CFAP47: variants seen among roughly 807,000 people sequenced by gnomAD.
CFAP47 encodes the protein cilia- and flagella-associated protein 47.
CFAP47 carries 29 observed loss-of-function variants against 148.1 expected under a neutral mutation model. The observed-to-expected ratio is 0.20, with a 90% CI of 0.15 to 0.27. CFAP47 has a LOEUF of 0.27. CFAP47 is among the 10% of genes least tolerant of loss of function. CFAP47 has a pLI of 1.00. For missense variants in CFAP47, 1,872 were observed against 1,697.5 expected (o/e 1.10, Z -1.81); for synonymous variants, 664 against 577.3 (o/e 1.15, Z -2.15).
chrX:36,155,106 T>C (rs1939352101), intron 37 of CFAP47, among the ~76,000 whole-genome samples: 1 of 111,067 alleles, frequency 9.0e-6, no homozygotes, highest in African/African-American at 3.3e-5. Flanking sequence ...TTTATATATA[T>C]ATAAATTGCT....
chrX:35,970,377 C>T (rs138751229), intron 10 of CFAP47, among the ~76,000 whole-genome samples: 2,486 of 110,396 alleles, frequency 0.023, 80 homozygotes, highest in African/African-American at 0.078. Context: ...TTTTTTCTGA[C>T]TTTGATCATG....
intron 42 of CFAP47, 32 bp from the exon 43 acceptor site, chrX:36,200,347 G>C (rs1555987879): frequency 3.4e-6 from 1 of 293,796 alleles, no homozygotes; most frequent in Non-Finnish European, 5.9e-6. Flanking sequence ...GAGAGATTTT[G>C]AAATTTAATA....
At chrX:35,963,175 G>A (rs973558321) in intron 8 of CFAP47, among the ~76,000 whole-genome samples, 5 of 110,279 alleles carry the variant, frequency 4.5e-5, no homozygotes, top group Admixed American at 2.0e-4. Flanking sequence ...GCAGTGGATG[G>A]CGAATAAGGA....
chrX:36,266,452 G>A (rs1940893624), intron 49 of CFAP47, among the ~76,000 whole-genome samples: 1 of 111,262 alleles, frequency 9.0e-6, no homozygotes, highest in African/African-American at 3.3e-5. Flanking sequence ...TCTGGCAGGG[G>A]CACTGTGGGT....
intron 33 of CFAP47, among the ~76,000 whole-genome samples, chrX:36,121,701 TTTA>T (rs1938747482): frequency 9.0e-6 from 1 of 111,389 alleles, no homozygotes; most frequent in East Asian, 2.8e-4. Flanking sequence ...TTCTGAACTT[TTTA>T]TTGTTTCTTT....
At chrX:36,287,255 T>G (rs1232388477) in intron 51 of CFAP47, among the ~76,000 whole-genome samples, 1 of 111,700 alleles carries the variant, frequency 9.0e-6, no homozygotes, top group Non-Finnish European at 1.9e-5. Flanking sequence ...TAATGGCCCT[T>G]GTTCATTTTT....
rs200170788 is a variant in CFAP47 at position 36,371,869 on chromosome X, CAT to C, written c.9185+4743_9185+4744del. On this transcript the variant is annotated intron_variant, in intron 62 of 63. Transcript: ENST00000378653. The stretch of plus-strand genomic sequence containing the variant: ...GTGTATATATGTGTGCATATACACA[CAT>C]GTGTATATATGTGTGCATATACACA... 1.7e-4 allele frequency among the ~76,000 whole-genome samples: 11 copies of C among 66,583 alleles called. 1 individual carries two copies. The highest frequency in any genetic ancestry group is 5.1e-4 in the African/African-American group (6 of 11,662). The allele number at this position is 66,583 out of a possible 115,157, so 57.8% of individuals were successfully genotyped here.
At chrX:36,148,293 T>C (rs1939262431) in intron 36 of CFAP47, among the ~76,000 whole-genome samples, 1 of 111,328 alleles carries the variant, frequency 9.0e-6, no homozygotes, top group African/African-American at 3.3e-5. Context: ...TGGTTAGATA[T>C]CAAGGGTGAT....
intron 15 of CFAP47, among the ~76,000 whole-genome samples, chrX:35,985,409 T>C (rs1936700813): frequency 9.1e-6 from 1 of 110,481 alleles, no homozygotes; most frequent in Non-Finnish European, 1.9e-5. Context: ...AGAGGGGAGA[T>C]CTGCCTGCAC....
chrX:35,971,546 T>C, intron 11 of CFAP47, 40 bp from the exon 12 acceptor site: 2 of 905,444 alleles, frequency 2.2e-6, no homozygotes, highest in African/African-American at 4.0e-5. Context: ...TTGAATGACT[T>C]GACCTCAATT....
intron 55 of CFAP47, among the ~76,000 whole-genome samples, chrX:36,309,386 T>A (rs1207616868): frequency 9.0e-6 from 1 of 111,602 alleles, no homozygotes; most frequent in Admixed American, 9.6e-5. Context: ...ATCCTTTATA[T>A]CCACTTGTTT....
intron 21 of CFAP47, among the ~76,000 whole-genome samples, chrX:36,010,591 G>A (rs1240910925): frequency 1.8e-5 from 2 of 109,311 alleles, no homozygotes; most frequent in East Asian, 5.8e-4. Context: ...CCGAGTAGCT[G>A]GGACTACAGG....
At chrX:36,210,439 A>G (rs1399829904) in intron 45 of CFAP47, among the ~76,000 whole-genome samples, 1 of 111,976 alleles carries the variant, frequency 8.9e-6, no homozygotes, top group African/African-American at 3.2e-5. Flanking sequence ...TTTCATTGGC[A>G]TTTTCCTGAT....
chrX:36,327,796 T>A (rs1941530043), intron 57 of CFAP47, among the ~76,000 whole-genome samples: 1 of 112,273 alleles, frequency 8.9e-6, no homozygotes, highest in African/African-American at 3.2e-5. Flanking sequence ...AATGACATCC[T>A]GTCCTCTGCA....
intron 60 of CFAP47, among the ~76,000 whole-genome samples, chrX:36,353,989 C>T (rs931308926): frequency 6.3e-5 from 7 of 111,439 alleles, no homozygotes; most frequent in Non-Finnish European, 1.1e-4. Flanking sequence ...TTTTCTTTTA[C>T]TCTTTCTTTC....
Position 36,099,746 on chromosome X carries a change from TAA to T in CFAP47, c.4999-3_4999-2del. The T allele has an allele frequency of 1.2e-6, 1 of 814,526 alleles. No individual in the cohort carries two copies. Among genetic ancestry groups the T allele is most frequent in the Non-Finnish European group, 1.8e-6 (1 of 552,004 alleles). The allele number at this position is 814,526 out of a possible 1,213,427, so 67.1% of individuals were successfully genotyped here. ...ATTAATGTTGTACTATTTTATTTCT[TAA>T]AGTCTTCCACTAATACGATGCCTGT... On this transcript the variant is annotated splice_polypyrimidine_tract_variant and splice_region_variant and intron_variant, in intron 31 of 63. Coordinates refer to ENST00000378653, the MANE Select transcript of CFAP47 (RefSeq NM_001304548.2).
intron 6 of CFAP47, 125 bp from the exon 7 acceptor site, chrX:35,953,467 G>A (rs912152008): frequency 2.0e-6 from 1 of 505,369 alleles, no homozygotes; most frequent in Non-Finnish European, 3.1e-6. Context: ...GATTACAGTT[G>A]TATTTTCATT....
intron 26 of CFAP47, among the ~76,000 whole-genome samples, chrX:36,059,550 C>A (rs894107688): frequency 8.9e-6 from 1 of 111,805 alleles, no homozygotes; most frequent in African/African-American, 3.2e-5. Context: ...CAGGTCAAGG[C>A]GTGATATTTA....
intron 26 of CFAP47, among the ~76,000 whole-genome samples, chrX:36,064,858 G>A (rs1196767791): frequency 2.7e-5 from 3 of 111,894 alleles, no homozygotes; most frequent in Non-Finnish European, 5.6e-5. Flanking sequence ...AGTGTTTTGT[G>A]GTTGGTAAAC....
Sources: allele counts gnomAD v4.1 joint callset (sites outside exome capture counted in the v4.1 genomes callset), GRCh38; gene constraint gnomAD v4.1.1; transcripts MANE v1.5; gene names NCBI Gene and HGNC (gene_info 2026-07-23, HGNC 2026-07-21).